TMEM132D: variants seen among roughly 807,000 people sequenced by gnomAD.
TMEM132D encodes transmembrane protein 132D, also known as mature OL transmembrane protein.
A neutral mutation model predicts 62.3 loss-of-function variants in TMEM132D; 21 were observed. The observed-to-expected ratio is 0.34, with a 90% confidence interval of 0.24 to 0.49. The LOEUF is 0.49. Ranked by LOEUF, TMEM132D falls within the 20% of genes least tolerant of loss-of-function variation. The pLI, the probability that TMEM132D is intolerant of heterozygous loss-of-function variation, is 0.99. For synonymous variants in TMEM132D, 621 were observed against 575.6 expected (o/e 1.08, Z -1.13); for missense variants, 1,346 against 1,402.8 (o/e 0.96, Z 0.65).
intron 1 of TMEM132D, among the ~76,000 whole-genome samples, chr12:129,813,381 T>C (rs1593171961): frequency 6.6e-6 from 1 of 151,694 alleles, no homozygotes; most frequent in Admixed American, 6.6e-5. Flanking sequence ...TGGCTTCCCA[T>C]TTTCCTGTGA....
At chr12:129,753,355 G>A (rs1443382880) in intron 1 of TMEM132D, among the ~76,000 whole-genome samples, 3 of 152,322 alleles carry the variant, frequency 2.0e-5, no homozygotes, top group Middle Eastern at 3.4e-3. Flanking sequence ...TAAAGCCAAC[G>A]GCTCTTGCAT....
intron 4 of TMEM132D, among the ~76,000 whole-genome samples, chr12:129,228,291 C>T (rs1786960029): frequency 6.6e-6 from 1 of 152,090 alleles, no homozygotes; most frequent in African/African-American, 2.4e-5. Flanking sequence ...ATGTCAGCTC[C>T]TTGCTCAAGA....
At chr12:129,782,733 G>A (rs545983094) in intron 1 of TMEM132D, among the ~76,000 whole-genome samples, 16 of 151,874 alleles carry the variant, frequency 1.1e-4, no homozygotes, top group African/African-American at 3.9e-4. Flanking sequence ...AGTCACACAG[G>A]TGTATTCCTG....
At chr12:129,451,047 C>T (rs1047293849) in intron 3 of TMEM132D, among the ~76,000 whole-genome samples, 4 of 152,090 alleles carry the variant, frequency 2.6e-5, no homozygotes, top group Non-Finnish European at 4.4e-5. Flanking sequence ...CAGGCGTGAG[C>T]CACCGCGCCC....
At chr12:129,450,234 T>C (rs1873232569) in intron 3 of TMEM132D, among the ~76,000 whole-genome samples, 1 of 152,218 alleles carries the variant, frequency 6.6e-6, no homozygotes, top group African/African-American at 2.4e-5. Flanking sequence ...CAATTGTTGC[T>C]TTTGCTGCAA....
intron 2 of TMEM132D, among the ~76,000 whole-genome samples, chr12:129,623,716 T>C (rs1181194371): frequency 2.0e-5 from 3 of 147,308 alleles, no homozygotes; most frequent in African/African-American, 5.0e-5. Flanking sequence ...TACATATGCA[T>C]ATATATACAT....
chr12:129,848,800 C>G (rs1224231488), intron 1 of TMEM132D, among the ~76,000 whole-genome samples: 1 of 152,098 alleles, frequency 6.6e-6, no homozygotes. Flanking sequence ...CGTTCAGGTC[C>G]CATCAGCACA....
chr12:129,493,199 C>T (rs1874853360), intron 3 of TMEM132D, among the ~76,000 whole-genome samples: 2 of 152,096 alleles, frequency 1.3e-5, no homozygotes, highest in South Asian at 2.1e-4. Context: ...CCAAAGAATC[C>T]AAAAATTAAT....
chr12:129,673,359 A>G (rs769996688), intron 2 of TMEM132D, among the ~76,000 whole-genome samples: 1 of 152,236 alleles, frequency 6.6e-6, no homozygotes, highest in Non-Finnish European at 1.5e-5. Context: ...CTGGCAGACA[A>G]TGACAATGAC....
intron 1 of TMEM132D, among the ~76,000 whole-genome samples, chr12:129,836,495 A>AGT (rs3046909): frequency 0.21 from 32,398 of 150,802 alleles, 3,562 homozygotes; most frequent in Non-Finnish European, 0.25. Context: ...AGGAATGCAG[A>AGT]GTGTGTGTGT....
intron 3 of TMEM132D, among the ~76,000 whole-genome samples, chr12:129,455,257 T>C (rs1459039257): frequency 6.6e-6 from 1 of 152,224 alleles, no homozygotes; most frequent in East Asian, 1.9e-4. Context: ...AGCAGAGCTC[T>C]GGAGGTAGAC....
intron 1 of TMEM132D, among the ~76,000 whole-genome samples, chr12:129,831,597 T>C (rs1227597962): frequency 1.3e-5 from 2 of 152,074 alleles, no homozygotes; most frequent in Non-Finnish European, 2.9e-5. Flanking sequence ...GACCTAGCGG[T>C]TTTCTCTATT....
chr12:129,718,069 G>T (rs921192015), intron 1 of TMEM132D, among the ~76,000 whole-genome samples: 1 of 152,184 alleles, frequency 6.6e-6, no homozygotes, highest in Non-Finnish European at 1.5e-5. Flanking sequence ...CTCCTGCTAG[G>T]GCCCCTGAGC....
At chr12:129,514,423 T>C (rs890809740) in intron 3 of TMEM132D, among the ~76,000 whole-genome samples, 2 of 152,358 alleles carry the variant, frequency 1.3e-5, no homozygotes, top group Middle Eastern at 3.4e-3. Flanking sequence ...TTCCTACTGA[T>C]AAACCACAGC....
rs939698209 is a variant in TMEM132D at position 129,309,660 on chromosome 12, T to C, written c.1299+27974A>G. ...ATCTTCTTTTCCATTGTTGCTGGTG[T>C]TCACTAACCAGCCTGCAAACATTAG... On this transcript the variant is annotated intron_variant, in intron 4 of 8. Transcript: ENST00000422113. 5.9e-5 allele frequency among the ~76,000 whole-genome samples: 9 copies of C among 152,214 alleles called. No individual in the cohort carries two copies. In the South Asian group the frequency reaches 1.5e-3, roughly 25 times the overall value.
chr12:129,717,077 A>G (rs1868606894), intron 1 of TMEM132D, among the ~76,000 whole-genome samples: 2 of 152,172 alleles, frequency 1.3e-5, no homozygotes, highest in Non-Finnish European at 2.9e-5. Context: ...CGACCAGCAC[A>G]GCTCCCTGAC....
intron 2 of TMEM132D, among the ~76,000 whole-genome samples, chr12:129,628,940 CCTCT>C (rs956699062): frequency 3.3e-5 from 5 of 151,162 alleles, no homozygotes; most frequent in Non-Finnish European, 1.5e-5. Flanking sequence ...CTCTCTCTCT[CCTCT>C]CTTTCTCTCT....
At chr12:129,207,627 G>A (rs1008737713) in intron 5 of TMEM132D, among the ~76,000 whole-genome samples, 1 of 152,152 alleles carries the variant, frequency 6.6e-6, no homozygotes, top group African/African-American at 2.4e-5. Flanking sequence ...TCTCCAGTGT[G>A]GCCAGAGTGG....
intron 4 of TMEM132D, among the ~76,000 whole-genome samples, chr12:129,296,208 T>C (rs951571961): frequency 1.3e-5 from 2 of 152,226 alleles, no homozygotes; most frequent in African/African-American, 2.4e-5. Context: ...CATTCCACTA[T>C]GCTTCACTAG....
Sources: gnomAD v4.1 joint callset for allele counts (sites outside exome capture counted in the v4.1 genomes callset) on GRCh38, gnomAD v4.1.1 for gene constraint, MANE v1.5 for transcripts, NCBI Gene and HGNC (gene_info 2026-07-23, HGNC 2026-07-21) for gene names.